Variants in LRRC36 observed in about 807,000 individuals in gnomAD.
LRRC36 encodes leucine rich repeat containing 36.
Under a neutral mutation model 81.1 loss-of-function variants are expected in LRRC36, and 62 were observed. The observed-to-expected ratio is 0.76, with a 90% CI of 0.62 to 0.94. The LOEUF (loss-of-function observed/expected upper bound fraction) is 0.94, where lower values mean the gene tolerates loss of function less well. Ranked by LOEUF, LRRC36 falls within the 40% of genes least tolerant of loss-of-function variation. The pLI, the probability that LRRC36 is intolerant of heterozygous loss-of-function variation, is 0.00. For missense variants in LRRC36, 761 were observed against 881.7 expected, an observed-to-expected ratio of 0.86 and a Z score of 1.73; for synonymous variants, 334 against 348.6, an observed-to-expected ratio of 0.96 and a Z score of 0.47.
intron 1 of LRRC36, among the ~76,000 whole-genome samples, chr16:67,341,643 G>A (rs1257180802): frequency 6.6e-6 from 1 of 151,782 alleles, no homozygotes; most frequent in East Asian, 1.9e-4. Context: ...AAAATTTTGT[G>A]GTTATTATCC....
intron 5 of LRRC36, among the ~76,000 whole-genome samples, chr16:67,358,751 A>T (rs1266471129): frequency 6.6e-6 from 1 of 152,158 alleles, no homozygotes; most frequent in Non-Finnish European, 1.5e-5. Context: ...CATTTCTCCA[A>T]AGAAGATATG....
intron 6 of LRRC36, 134 bp downstream of exon 6, chr16:67,363,848 A>C (rs753334918): frequency 1.0e-5 from 9 of 870,064 alleles, no homozygotes; most frequent in Non-Finnish European, 1.6e-5. Flanking sequence ...TTTAAAGGAA[A>C]GGGCAGGACA....
intron 1 of LRRC36, among the ~76,000 whole-genome samples, chr16:67,327,753 G>A (rs2037264222): frequency 6.6e-6 from 1 of 152,180 alleles, no homozygotes; most frequent in Admixed American, 6.5e-5. Flanking sequence ...GTGTTTAGAG[G>A]TTGTATAGAG....
At chr16:67,353,187 A>G (rs188243439) in intron 5 of LRRC36, among the ~76,000 whole-genome samples, 27 of 152,030 alleles carry the variant, frequency 1.8e-4, no homozygotes, top group Admixed American at 5.9e-4. Context: ...CAAACAAACA[A>G]ATAAGCCCCT....
chr16:67,349,920 G>A lies in LRRC36; in HGVS notation c.489-282G>A, dbSNP rs140477140. On this transcript the variant is annotated intron_variant, in intron 4 of 13. Transcript: ENST00000329956. ...GGACTACAGGCACCCGCCACCACAC[G>A]TGGCTGATTTTTGTATTTTTAGTAG... Among the ~76,000 whole-genome samples the A allele has an allele frequency of 3.5e-3, 539 of 152,128 alleles. 1 individual carries two copies. Among genetic ancestry groups the A allele is most frequent in the African/African-American group, 0.012 (513 of 41,512 alleles).
intron 4 of LRRC36, among the ~76,000 whole-genome samples, chr16:67,349,797 G>T (rs1307230451): frequency 4.0e-5 from 6 of 150,998 alleles, no homozygotes; most frequent in Admixed American, 1.3e-4. Flanking sequence ...GTCTTGCTCT[G>T]TCACCCAAAC....
At chr16:67,329,364 C>T (rs1321221512) in intron 1 of LRRC36, among the ~76,000 whole-genome samples, 1 of 152,118 alleles carries the variant, frequency 6.6e-6, no homozygotes, top group East Asian at 1.9e-4. Context: ...GATCTCAGCT[C>T]ACTGCAACCT....
intron 2 of LRRC36, among the ~76,000 whole-genome samples, chr16:67,345,866 T>A (rs1439625196): frequency 2.0e-5 from 3 of 151,950 alleles, no homozygotes; most frequent in Non-Finnish European, 4.4e-5. Flanking sequence ...AAGGTGCTTT[T>A]GGGATCAGGA....
At position 67,350,690 on chromosome 16, in the gene LRRC36, T is replaced by C. The variant is rs898746959; in HGVS notation, c.577+400T>C. On this transcript the variant is annotated intron_variant, in intron 5 of 13. Coordinates refer to ENST00000329956, the MANE Select transcript of LRRC36 (RefSeq NM_018296.6). ...ATCTCTTGTGTTTGGGATATATTAC[T>C]GGGGAATGTTTACTATATTCCTGTA... is the stretch of plus-strand genomic sequence containing the variant. 2.0e-5 allele frequency among the ~76,000 whole-genome samples: 3 copies of C among 152,312 alleles called. 1 individual carries two copies. In the Middle Eastern group the frequency reaches 0.01, roughly 518 times the overall value.
At chr16:67,378,096 ATT>A (rs2039972754) in intron 11 of LRRC36, among the ~76,000 whole-genome samples, 1 of 152,208 alleles carries the variant, frequency 6.6e-6, no homozygotes, top group African/African-American at 2.4e-5. Flanking sequence ...CATGTAATAA[ATT>A]TGTTTACTGC....
intron 5 of LRRC36, among the ~76,000 whole-genome samples, chr16:67,353,057 C>G (rs937835254): frequency 6.6e-6 from 1 of 152,116 alleles, no homozygotes; most frequent in Admixed American, 6.6e-5. Flanking sequence ...CTTTGACAAC[C>G]TGCACTGGTC....
intron 5 of LRRC36, among the ~76,000 whole-genome samples, chr16:67,355,520 G>A (rs1252348908): frequency 6.7e-6 from 1 of 149,984 alleles, no homozygotes; most frequent in East Asian, 2.0e-4. Flanking sequence ...GACTACAGGC[G>A]CCCGCCACTA....
chr16:67,350,923 A>G (rs2038599377), intron 5 of LRRC36, among the ~76,000 whole-genome samples: 1 of 152,194 alleles, frequency 6.6e-6, no homozygotes, highest in East Asian at 1.9e-4. Flanking sequence ...CTGTAATCCC[A>G]TCTACTCGGG....
intron 1 of LRRC36, among the ~76,000 whole-genome samples, chr16:67,328,472 C>T (rs1010500688): frequency 6.6e-6 from 1 of 152,048 alleles, no homozygotes; most frequent in East Asian, 1.9e-4. Context: ...GAGATCGCGC[C>T]ACTGCACTCC....
chr16:67,372,358 A>G (rs936848962), intron 9 of LRRC36, among the ~76,000 whole-genome samples: 2 of 147,536 alleles, frequency 1.4e-5, no homozygotes, highest in Non-Finnish European at 3.0e-5. Flanking sequence ...CTCTGTCTCC[A>G]AAAAAAAAAA....
At chr16:67,379,284 T>G (rs1332326464) in intron 12 of LRRC36, among the ~76,000 whole-genome samples, 1 of 152,028 alleles carries the variant, frequency 6.6e-6, no homozygotes, top group African/African-American at 2.4e-5. Context: ...TAGCCAGGCA[T>G]AGTGGTGTGC....
chr16:67,380,121 A>G (rs925755444), intron 12 of LRRC36, among the ~76,000 whole-genome samples: 11 of 152,182 alleles, frequency 7.2e-5, no homozygotes, highest in African/African-American at 2.4e-4. Flanking sequence ...TGGAGCTGAG[A>G]GTCCTAATAT....
chr16:67,331,113 G>GAGAGAGAGAGAGAGAGAGAGAA (rs1567462464), intron 1 of LRRC36, among the ~76,000 whole-genome samples: 35 of 136,226 alleles, frequency 2.6e-4, no homozygotes, highest in African/African-American at 9.1e-4. Flanking sequence ...GAGAGAGAGA[G>GAGAGAGAGAGAGAGAGAGAGAA]AAGACTGAAC....
rs957879937 is a variant in LRRC36, at chr16:67,367,339, G to A, written c.1077G>A (p.Glu359=). 3 of 1,614,108 alleles carry A rather than the reference G, an allele frequency of 1.9e-6. No individual in the cohort carries two copies. Among genetic ancestry groups the A allele is most frequent in the South Asian group, 2.2e-5 (2 of 91,086 alleles). ...KRPQRSKNYQ[E]YSIKPSNDIK... ...CTCAGAGAAGCAAGAACTATCAAGA[G>A]TATAGCATAAAGCCTTCAAATGACA... Residue 359 remains glutamate (E), a synonymous_variant, in exon 8 of 14, where the codon GAG becomes GAA. Coordinates refer to ENST00000329956, the MANE Select transcript of LRRC36 (RefSeq NM_018296.6).
Sources: allele counts gnomAD v4.1 joint callset (sites outside exome capture counted in the v4.1 genomes callset), GRCh38; gene constraint gnomAD v4.1.1; transcripts MANE v1.5; gene names NCBI Gene and HGNC (gene_info 2026-07-23, HGNC 2026-07-21).